The following KLHL3 variants were observed in gnomAD, a reference collection of about 807,000 sequenced individuals.
KLHL3 encodes the protein kelch-like protein 3.
KLHL3 carries 19 observed loss-of-function variants against 70.5 expected under a neutral mutation model. The ratio of observed to expected loss-of-function variants is 0.27; its 90% CI spans 0.19 to 0.40. The LOEUF is 0.40. Ranked by LOEUF, KLHL3 falls within the 10% of genes least tolerant of loss-of-function variation. KLHL3 has a pLI of 1.00. For synonymous variants in KLHL3, 258 were observed against 290.3 expected (o/e 0.89, Z 1.13); for missense variants, 512 against 771.1 (o/e 0.66, Z 3.98).
intron 2 of KLHL3, 139 bp downstream of exon 2, chr5:137,720,325 AG>A (rs1337387027): frequency 1.0e-5 from 10 of 954,436 alleles, no homozygotes; most frequent in Non-Finnish European, 1.4e-5. Flanking sequence ...AGAGAAAGAA[AG>A]GGGAACTCAA....
chr5:137,721,812 T>C (rs759281198), intron 1 of KLHL3, among the ~76,000 whole-genome samples: 4 of 152,250 alleles, frequency 2.6e-5, no homozygotes, highest in Non-Finnish European at 5.9e-5. Context: ...AAAGACAAAA[T>C]ACTCAAATCC....
intron 13 of KLHL3, among the ~76,000 whole-genome samples, chr5:137,626,172 C>T (rs1750456470): frequency 6.6e-6 from 1 of 152,186 alleles, no homozygotes; most frequent in African/African-American, 2.4e-5. Context: ...ACACACATAC[C>T]TATACTATAA....
chr5:137,731,574 AG>A (rs1753174621), intron 1 of KLHL3, among the ~76,000 whole-genome samples: 2 of 152,150 alleles, frequency 1.3e-5, no homozygotes, highest in South Asian at 2.1e-4. Context: ...CCTTTTGCTC[AG>A]AAGTTCCCTG....
At chr5:137,681,285 A>G (rs1314698673) in intron 5 of KLHL3, among the ~76,000 whole-genome samples, 3 of 152,208 alleles carry the variant, frequency 2.0e-5, no homozygotes, top group African/African-American at 7.2e-5. Flanking sequence ...CGTATGATGT[A>G]TCAAATGCAG....
intron 2 of KLHL3, among the ~76,000 whole-genome samples, chr5:137,710,594 A>G (rs1009505161): frequency 6.6e-6 from 1 of 152,160 alleles, no homozygotes; most frequent in African/African-American, 2.4e-5. Flanking sequence ...TAATGAATGA[A>G]ATGTGATCAA....
chr5:137,657,660 T>G (rs1450934343), intron 8 of KLHL3, among the ~76,000 whole-genome samples: 1 of 152,172 alleles, frequency 6.6e-6, no homozygotes, highest in African/African-American at 2.4e-5. Flanking sequence ...TCCCTTTTCT[T>G]AGAACCCCTT....
In KLHL3 at chr5:137,692,332, T is replaced by A; in HGVS notation, c.479A>T (p.Asp160Val). ...CAGAAGGTCAGTGCAGGTGTGTACATCTGCAAATGCACGGATGCCCAGGCA... is the reference window on the plus strand; with the variant it reads ...CAGAAGGTCAGTGCAGGTGTGTACAACTGCAAATGCACGGATGCCCAGGCA... ...TNCLGIRAFADVHTCTDLLQQ... is the reference protein window; with the variant it reads ...TNCLGIRAFAVVHTCTDLLQQ... The change falls in exon 5 of 15, where the codon GAT (aspartate) becomes GTT (valine). Residue 160 changes from aspartate to valine, a missense_variant. Transcript: ENST00000309755. 1 of 1,613,518 alleles carries A rather than the reference T, an allele frequency of 6.2e-7. No individual in the cohort carries two copies. The highest frequency in any genetic ancestry group is 8.5e-7 in the Non-Finnish European group (1 of 1,179,936).
intron 5 of KLHL3, among the ~76,000 whole-genome samples, chr5:137,682,742 G>C (rs1225879051): frequency 6.6e-6 from 1 of 152,126 alleles, no homozygotes; most frequent in Non-Finnish European, 1.5e-5. Context: ...GATCAAGTCT[G>C]TGTTATTTGA....
At chr5:137,654,799 AAGG>A (rs1751298595) in intron 8 of KLHL3, among the ~76,000 whole-genome samples, 2 of 152,116 alleles carry the variant, frequency 1.3e-5, no homozygotes, top group South Asian at 4.2e-4. Flanking sequence ...AATGTTTCTT[AAGG>A]AGTAGGGATG....
At chr5:137,695,169 GA>G (rs1334924382) in intron 4 of KLHL3, among the ~76,000 whole-genome samples, 1 of 152,120 alleles carries the variant, frequency 6.6e-6, no homozygotes, top group Non-Finnish European at 1.5e-5. Context: ...AATATTTCCT[GA>G]ATATACTCCT....
rs535063220 is a variant in KLHL3, at chr5:137,652,509, G to A, written c.903+5622C>T. On this transcript the variant is annotated intron_variant, in intron 8 of 14. Coordinates refer to ENST00000309755, the MANE Select transcript of KLHL3 (RefSeq NM_017415.3). ...AAAAAAGAAGGAAATCCTGTCATCT[G>A]TGACAATATGGATGAACCTGGAGGA... is the stretch of plus-strand genomic sequence containing the variant. Among the ~76,000 whole-genome samples, 223 of 152,362 alleles carry A rather than the reference G, an allele frequency of 1.5e-3. 1 individual carries two copies. Among genetic ancestry groups the A allele is most frequent in the Non-Finnish European group, 2.3e-3 (154 of 68,034 alleles).
chr5:137,680,681 T>G (rs960323347), intron 5 of KLHL3, among the ~76,000 whole-genome samples: 1 of 152,070 alleles, frequency 6.6e-6, no homozygotes, highest in Non-Finnish European at 1.5e-5. Context: ...TAGCTGAGAT[T>G]ACAGGCGTCC....
intron 8 of KLHL3, among the ~76,000 whole-genome samples, chr5:137,642,920 A>G (rs924446779): frequency 1.3e-5 from 2 of 152,142 alleles, no homozygotes; most frequent in South Asian, 2.1e-4. Context: ...CCCAGAAACT[A>G]TCTCCCACCA....
intron 1 of KLHL3, among the ~76,000 whole-genome samples, chr5:137,722,593 T>C (rs1195139591): frequency 2.6e-5 from 4 of 152,224 alleles, no homozygotes; most frequent in African/African-American, 4.8e-5. Context: ...TTCTTTACTA[T>C]AAAGCTAGAA....
Position 137,698,135 on chromosome 5 carries a change from T to C in KLHL3, c.363+152A>G, listed in dbSNP as rs1752488532. 6 of 936,946 alleles carry C rather than the reference T, an allele frequency of 6.4e-6. No homozygotes were observed. The Admixed American group carries it at 9.6e-5, about 15-fold the overall frequency. 58.0% of individuals were successfully genotyped at this position (936,946 alleles called of 1,614,324 possible). ...GACCAGCTCGACCACCTCCTGGCCA[T>C]GTGGCCCAGGGCAGGTCACCTGACC... On this transcript the variant is annotated intron_variant, in intron 4 of 14. Transcript: ENST00000309755.
intron 3 of KLHL3, chr5:137,706,264 T>C (rs1357726149): frequency 3.5e-5 from 34 of 985,322 alleles, no homozygotes; most frequent in South Asian, 1.9e-4. Context: ...AACACACTGA[T>C]AGAAATGGAT....
At chr5:137,690,112 G>C (rs936326608) in intron 5 of KLHL3, among the ~76,000 whole-genome samples, 10 of 152,224 alleles carry the variant, frequency 6.6e-5, no homozygotes, top group Admixed American at 6.5e-5. Flanking sequence ...CGGATCACAA[G>C]GTCAGTAGAT....
chr5:137,620,587 T>C lies in KLHL3; in HGVS notation c.*1511A>G, dbSNP rs1010053156. 1 of 152,268 alleles carries C rather than the reference T, an allele frequency of 6.6e-6. No homozygotes were observed. The highest frequency in any genetic ancestry group is 1.5e-5 in the Non-Finnish European group (1 of 68,054). The allele number at this position is 152,268 out of a possible 1,614,324, so 9.4% of individuals were successfully genotyped here. The stretch of plus-strand genomic sequence containing the variant: ...ACTTCCCCTGCTTATGCCAGAAATT[T>C]CAGCATGAGCAATTTGCTAGTTTAG... On this transcript the variant is annotated 3_prime_UTR_variant, in exon 15 of 15. Transcript: ENST00000309755.
At chr5:137,708,035 G>C (rs1372379148) in intron 3 of KLHL3, among the ~76,000 whole-genome samples, 1 of 151,728 alleles carries the variant, frequency 6.6e-6, no homozygotes, top group African/African-American at 2.4e-5. Context: ...TGAAGGAAAG[G>C]GGGAAAAAAG....
Sources: gnomAD v4.1 joint callset for allele counts (sites outside exome capture counted in the v4.1 genomes callset) on GRCh38, gnomAD v4.1.1 for gene constraint, MANE v1.5 for transcripts, NCBI Gene and HGNC (gene_info 2026-07-23, HGNC 2026-07-21) for gene names.